FBXO47: variants seen among roughly 807,000 people sequenced by gnomAD.
FBXO47 encodes the protein F-box protein 47.
FBXO47 carries 34 observed loss-of-function variants against 53.9 expected under a neutral mutation model. That is an observed-to-expected ratio of 0.63 (90% confidence interval 0.48 to 0.84). FBXO47 has a LOEUF of 0.84. Among genes scored for constraint, FBXO47 ranks in the 40% least tolerant of loss-of-function variants. FBXO47 has a pLI of 0.00. For missense variants in FBXO47, 485 were observed against 541.3 expected (o/e 0.90, Z 1.03); for synonymous variants, 165 against 181.6 (o/e 0.91, Z 0.73).
chr17:38,953,780 G>A (rs908657103), intron 5 of FBXO47, among the ~76,000 whole-genome samples: 2 of 152,086 alleles, frequency 1.3e-5, no homozygotes, highest in African/African-American at 4.8e-5. Flanking sequence ...CCTTGGAATT[G>A]TACAAGAATA....
intron 6 of FBXO47, among the ~76,000 whole-genome samples, chr17:38,948,923 C>T (rs1470868278): frequency 2.0e-5 from 3 of 151,874 alleles, no homozygotes; most frequent in Non-Finnish European, 4.4e-5. Context: ...GCCCCCATCA[C>T]CTAGATATTA....
intron 5 of FBXO47, among the ~76,000 whole-genome samples, chr17:38,952,724 C>A: frequency 6.6e-6 from 1 of 151,864 alleles, no homozygotes; most frequent in East Asian, 1.9e-4. Flanking sequence ...GAGTAGAACC[C>A]CTTTGACCTC....
At position 38,962,943 on chromosome 17, in the gene FBXO47, GAAT is replaced by G. The variant is rs769364611; in HGVS notation, c.80_82del (p.Tyr27del). The G allele has an allele frequency of 8.7e-6, 14 of 1,613,338 alleles. No homozygotes were observed. The South Asian group carries it at 1.4e-4, about 16-fold the overall frequency. On this transcript the variant is annotated inframe_deletion, in exon 2 of 11. Transcript: ENST00000378079. ...TTGAAAGCCTGAGCCAAGGGTCTTG[GAAT>G]AACAGCTGGTTTGACGATTACTACG...
intron 5 of FBXO47, among the ~76,000 whole-genome samples, chr17:38,953,125 C>CCACACA (rs768926649): frequency 0.061 from 7,166 of 117,744 alleles, 395 homozygotes; most frequent in African/African-American, 0.15. Flanking sequence ...AAAAAAAAAA[C>CCACACA]CACACACACA....
intron 9 of FBXO47, among the ~76,000 whole-genome samples, chr17:38,941,989 A>G (rs1447985296): frequency 2.0e-5 from 3 of 151,918 alleles, no homozygotes; most frequent in African/African-American, 7.3e-5. Context: ...ATATATTTTT[A>G]AGACTTTTTA....
intron 3 of FBXO47, among the ~76,000 whole-genome samples, chr17:38,961,122 T>C (rs1905795479): frequency 1.3e-5 from 2 of 152,182 alleles, no homozygotes; most frequent in South Asian, 4.1e-4. Flanking sequence ...TATCCACATA[T>C]TCCTAATATC....
chr17:38,946,966 A>G (rs1465403959), intron 6 of FBXO47, among the ~76,000 whole-genome samples: 7 of 116,462 alleles, frequency 6.0e-5, no homozygotes, highest in Non-Finnish European at 1.2e-4. Context: ...ATATAAACAT[A>G]TATAAATATA....
intron 2 of FBXO47, 46 bp from the exon 3 acceptor site, chr17:38,962,093 A>G: frequency 6.8e-7 from 1 of 1,466,730 alleles, no homozygotes; most frequent in Non-Finnish European, 9.4e-7. Context: ...GCTTAAATGC[A>G]AGAACGTCAC....
chr17:38,950,731 C>CT (rs1315286364), intron 6 of FBXO47, among the ~76,000 whole-genome samples: 1 of 151,986 alleles, frequency 6.6e-6, no homozygotes, highest in Non-Finnish European at 1.5e-5. Flanking sequence ...TTACAGGATG[C>CT]TATAATGAGC....
rs3834564 is a variant in FBXO47 at position 38,936,593 on chromosome 17, C to CTA, written c.*580_*581dup. On this transcript the variant is annotated 3_prime_UTR_variant, in exon 11 of 11. Coordinates refer to ENST00000378079, the MANE Select transcript of FBXO47 (RefSeq NM_001008777.3). ...GAAATATATGTCTGTGTGTGTGTGT[C>CTA]TATATATATATATAGACATATATGT... 3,825 of 150,242 alleles carry CTA rather than the reference C, an allele frequency of 0.025. 162 individuals carry two copies. The highest frequency in any genetic ancestry group is 0.088 in the African/African-American group (3,598 of 41,000). The allele number at this position is 150,242 out of a possible 1,614,324, so 9.3% of individuals were successfully genotyped here.
At chr17:38,943,914 G>A (rs187617675) in intron 7 of FBXO47, among the ~76,000 whole-genome samples, 178 bp from the exon 8 acceptor site, 248 of 152,206 alleles carry the variant, frequency 1.6e-3, no homozygotes, top group African/African-American at 5.3e-3. Flanking sequence ...GTCTCTGGCC[G>A]GGCGTGGTGG....
chr17:38,952,054 C>T lies in FBXO47; in HGVS notation c.508-365G>A, dbSNP rs138690189. ...AAAAACAAACAAAACAGGCCGGGTG[C>T]GGTGGCTCACACCTGTAATCTCAGT... is the stretch of plus-strand genomic sequence containing the variant. On this transcript the variant is annotated intron_variant, in intron 5 of 10. Transcript: ENST00000378079. Among the ~76,000 whole-genome samples, 25 of 150,884 alleles carry T rather than the reference C, an allele frequency of 1.7e-4. No homozygotes were observed. In the East Asian group the frequency reaches 2.4e-3, roughly 14 times the overall value.
At chr17:38,960,108 A>G (rs2143961835) in intron 3 of FBXO47, among the ~76,000 whole-genome samples, 1 of 152,170 alleles carries the variant, frequency 6.6e-6, no homozygotes, top group East Asian at 1.9e-4. Context: ...CGCCCGGCCC[A>G]AAGCACAGCA....
chr17:38,950,525 C>G (rs1236229919), intron 6 of FBXO47, among the ~76,000 whole-genome samples: 1 of 147,978 alleles, frequency 6.8e-6, no homozygotes, highest in African/African-American at 2.5e-5. Context: ...GTCTCTAACT[C>G]CTAGGCTCAA....
At chr17:38,946,133 T>A (rs1318935776) in intron 6 of FBXO47, among the ~76,000 whole-genome samples, 1 of 121,456 alleles carries the variant, frequency 8.2e-6, no homozygotes, top group Non-Finnish European at 1.6e-5. Context: ...TATATATACA[T>A]ATATAAATAT....
chr17:38,946,982 A>C (rs1435214293), intron 6 of FBXO47, among the ~76,000 whole-genome samples: 1 of 64,994 alleles, frequency 1.5e-5, no homozygotes. Context: ...ATATATGTAA[A>C]TATATATAAA....
rs1436832136 is a variant in FBXO47 at position 38,942,838 on chromosome 17, A to G, written c.1023T>C (p.Ala341=). 6.2e-7 allele frequency: 1 copy of G among 1,613,972 alleles called. No individual in the cohort carries two copies. The highest frequency in any genetic ancestry group is 1.7e-5 in the Admixed American group (1 of 59,978). ...TGGTGCGTCCATTCACAGCTTTACTAGCCATGAAACTGAAACAGATGTTGT... is the reference window on the plus strand; with the variant it reads ...TGGTGCGTCCATTCACAGCTTTACTGGCCATGAAACTGAAACAGATGTTGT... ...SGNNICFSFM[A]SKAVNGRTIE... is the part of the protein sequence containing the mutation. Residue 341 remains alanine, a synonymous_variant, in exon 9 of 11, where the codon GCT becomes GCC. Coordinates refer to ENST00000378079, the MANE Select transcript of FBXO47 (RefSeq NM_001008777.3).
chr17:38,957,346 G>T, intron 3 of FBXO47, 93 bp from the exon 4 acceptor site: 1 of 849,990 alleles, frequency 1.2e-6, no homozygotes, highest in South Asian at 1.6e-5. Context: ...AGTCAAGTAT[G>T]GTATATCACA....
intron 7 of FBXO47, among the ~76,000 whole-genome samples, chr17:38,944,135 T>C (rs973539551): frequency 4.6e-5 from 7 of 150,580 alleles, no homozygotes; most frequent in East Asian, 2.0e-4. Flanking sequence ...TGAGTGGAGA[T>C]TGGGCCACTG....
Sources: allele counts gnomAD v4.1 joint callset (sites outside exome capture counted in the v4.1 genomes callset), GRCh38; gene constraint gnomAD v4.1.1; transcripts MANE v1.5; gene names NCBI Gene and HGNC (gene_info 2026-07-23, HGNC 2026-07-21).